The following FOXN3 variants were observed in gnomAD, a reference collection of about 807,000 sequenced individuals.
FOXN3 encodes the protein forkhead box N3.
FOXN3 carries 7 observed loss-of-function variants against 38.4 expected under a neutral mutation model. That is an observed-to-expected ratio of 0.18 (90% CI 0.10 to 0.34). The LOEUF (loss-of-function observed/expected upper bound fraction) is 0.34, where lower values mean the gene tolerates loss of function less well. Ranked by LOEUF, FOXN3 falls within the 10% of genes least tolerant of loss-of-function variation. FOXN3 has a pLI of 1.00. For synonymous variants in FOXN3, 230 were observed against 242.2 expected (o/e 0.95, Z 0.47); for missense variants, 456 against 613.4 (o/e 0.74, Z 2.71).
chr14:89,172,458 T>C (rs1028792720), intron 5 of FOXN3, among the ~76,000 whole-genome samples: 1 of 152,180 alleles, frequency 6.6e-6, no homozygotes. Flanking sequence ...GGAACCATAA[T>C]AGGGTGTCTT....
chr14:89,347,215 A>C (rs985697958), intron 3 of FOXN3, among the ~76,000 whole-genome samples: 3 of 152,226 alleles, frequency 2.0e-5, no homozygotes, highest in Non-Finnish European at 2.9e-5. Flanking sequence ...GTTAAATAGG[A>C]TGAATTATTA....
At chr14:89,298,635 T>C (rs1390274164) in intron 3 of FOXN3, among the ~76,000 whole-genome samples, 1 of 152,222 alleles carries the variant, frequency 6.6e-6, no homozygotes, top group Non-Finnish European at 1.5e-5. Flanking sequence ...GCTGCTCCAC[T>C]GCCAGGATCT....
chr14:89,488,186 G>A (rs991950248), intron 1 of FOXN3, among the ~76,000 whole-genome samples: 7 of 151,522 alleles, frequency 4.6e-5, no homozygotes, highest in East Asian at 3.9e-4. Flanking sequence ...TGGTTCAAGC[G>A]ATTCTCCTGC....
intron 3 of FOXN3, among the ~76,000 whole-genome samples, chr14:89,331,466 C>T (rs766842549): frequency 2.1e-5 from 3 of 139,720 alleles, no homozygotes; most frequent in South Asian, 2.3e-4. Flanking sequence ...TGGACGTTTG[C>T]GTTGTTTCCC....
At chr14:89,583,236 C>A (rs1006299308) in intron 1 of FOXN3, among the ~76,000 whole-genome samples, 1 of 152,104 alleles carries the variant, frequency 6.6e-6, no homozygotes, top group African/African-American at 2.4e-5. Context: ...AATGTTTTTG[C>A]CCCTCAAAAT....
intron 1 of FOXN3, among the ~76,000 whole-genome samples, chr14:89,447,197 A>G (rs72703654): frequency 0.18 from 25,455 of 142,436 alleles, 2,283 homozygotes; most frequent in Middle Eastern, 0.25. Context: ...ACTCCGTCAC[A>G]AAAAGGAAAA....
chr14:89,270,337 G>A (rs1399144210), intron 4 of FOXN3, among the ~76,000 whole-genome samples: 2 of 152,206 alleles, frequency 1.3e-5, no homozygotes, highest in Non-Finnish European at 2.9e-5. Context: ...GTTGTCTGTC[G>A]GGGGTGGAAG....
rs1298084016 is a variant in FOXN3, at chr14:89,161,594, T to TGTGTGTGTGTGTGTGTGC, written c.*819_*820insGCACACACACACACACAC. The TGTGTGTGTGTGTGTGTGC allele has an allele frequency of 2.9e-5, 4 of 138,348 alleles. No homozygotes were observed. The highest frequency in any genetic ancestry group is 1.1e-4 in the African/African-American group (4 of 37,812). 8.6% of individuals were successfully genotyped at this position (138,348 alleles called of 1,614,324 possible). ...GTGTGTGTGTGTGTGTGTGTGTGTG[T>TGTGTGTGTGTGTGTGTGC]GTGCGTGCGTGCACAGGGCCAATCT... is the stretch of plus-strand genomic sequence containing the variant. On this transcript the variant is annotated 3_prime_UTR_variant, in exon 6 of 6. Transcript: ENST00000557258.
At chr14:89,384,859 A>G (rs1031547805) in intron 2 of FOXN3, among the ~76,000 whole-genome samples, 9 of 152,206 alleles carry the variant, frequency 5.9e-5, no homozygotes, top group African/African-American at 2.2e-4. Flanking sequence ...CAGGAACAAC[A>G]GCCTTGATGG....
chr14:89,514,879 G>T (rs1291700938), intron 1 of FOXN3, among the ~76,000 whole-genome samples: 1 of 151,870 alleles, frequency 6.6e-6, no homozygotes, highest in Admixed American at 6.6e-5. Context: ...CATTTCGACA[G>T]CATCGAGATG....
chr14:89,325,347 C>CACT (rs1566956916), intron 3 of FOXN3, among the ~76,000 whole-genome samples: 55 of 122,722 alleles, frequency 4.5e-4, no homozygotes, highest in African/African-American at 9.1e-4. Context: ...CCACCACCAC[C>CACT]ACCACCACCA....
At position 89,384,258 on chromosome 14, in the gene FOXN3, AGAG is replaced by A. The variant is rs553868004; in HGVS notation, c.543+27673_543+27675del. On this transcript the variant is annotated intron_variant, in intron 2 of 5. Coordinates refer to ENST00000557258, the MANE Select transcript of FOXN3 (RefSeq NM_005197.4). ...GGCTGCCCTGGGCGTGGCATGTGGG[AGAG>A]GAGATCAACTCCTCACCTCTGCGCC... 1.9e-3 allele frequency among the ~76,000 whole-genome samples: 291 copies of A among 152,304 alleles called. 2 individuals carry two copies. The highest frequency in any genetic ancestry group is 6.8e-3 in the African/African-American group (282 of 41,576).
chr14:89,339,657 T>A (rs558787120), intron 3 of FOXN3, among the ~76,000 whole-genome samples: 4 of 152,240 alleles, frequency 2.6e-5, no homozygotes, highest in Non-Finnish European at 5.9e-5. Flanking sequence ...GAAGCCAGAG[T>A]CACGCTTTGA....
At chr14:89,413,377 T>C (rs1488885424) in intron 1 of FOXN3, among the ~76,000 whole-genome samples, 2 of 152,208 alleles carry the variant, frequency 1.3e-5, no homozygotes, top group Non-Finnish European at 2.9e-5. Context: ...CTCACGCCTA[T>C]AATCTCACCA....
intron 4 of FOXN3, among the ~76,000 whole-genome samples, chr14:89,186,189 G>C (rs918847322): frequency 2.6e-5 from 4 of 152,136 alleles, no homozygotes; most frequent in African/African-American, 7.2e-5. Flanking sequence ...ACTGGGGAGG[G>C]GGCTGGCACG....
At chr14:89,469,643 C>A (rs1311184093) in intron 1 of FOXN3, among the ~76,000 whole-genome samples, 3 of 152,136 alleles carry the variant, frequency 2.0e-5, no homozygotes, top group East Asian at 3.8e-4. Flanking sequence ...CTGCTTTGAT[C>A]GCCCTCTGGG....
intron 2 of FOXN3, among the ~76,000 whole-genome samples, chr14:89,380,238 C>T (rs1428418703): frequency 6.6e-6 from 1 of 152,188 alleles, no homozygotes; most frequent in Non-Finnish European, 1.5e-5. Flanking sequence ...TGCACAAGTT[C>T]TCTCTTTGCC....
chr14:89,366,871 T>C (rs1890175672), intron 2 of FOXN3, among the ~76,000 whole-genome samples: 1 of 152,184 alleles, frequency 6.6e-6, no homozygotes, highest in African/African-American at 2.4e-5. Flanking sequence ...ACTGCCACTT[T>C]ATCTTCTGGT....
At position 89,325,559 on chromosome 14, in the gene FOXN3, GA is replaced by G. The variant is rs1160709724; in HGVS notation, c.680+25112del. Among the ~76,000 whole-genome samples, 10 of 152,170 alleles carry G rather than the reference GA, an allele frequency of 6.6e-5. No homozygotes were observed. The South Asian group carries it at 1.5e-3, about 22-fold the overall frequency. On this transcript the variant is annotated intron_variant, in intron 3 of 5. Transcript: ENST00000557258. The stretch of plus-strand genomic sequence containing the variant: ...GGAGAACCACCCTCTTTGTTAAAGG[GA>G]AACATCACAGGAAGGGAAAGGAGTT...
Sources: allele counts gnomAD v4.1 joint callset (sites outside exome capture counted in the v4.1 genomes callset), GRCh38; gene constraint gnomAD v4.1.1; transcripts MANE v1.5; gene names NCBI Gene and HGNC (gene_info 2026-07-23, HGNC 2026-07-21).